GALNT1: variants seen among roughly 807,000 people sequenced by gnomAD.
GALNT1 encodes polypeptide N-acetylgalactosaminyltransferase 1, also known as GalNAc transferase 1.
Under a neutral mutation model 65.7 loss-of-function variants are expected in GALNT1, and 17 were observed. That is an observed-to-expected ratio of 0.26 (90% confidence interval 0.18 to 0.39). The LOEUF is 0.39. GALNT1 is among the 10% of genes least tolerant of loss of function. The pLI is 1.00. For synonymous variants in GALNT1, 210 were observed against 219.7 expected (o/e 0.96, Z 0.39); for missense variants, 460 against 672.8 (o/e 0.68, Z 3.50).
intron 1 of GALNT1, among the ~76,000 whole-genome samples, chr18:35,600,915 C>G (rs988641075): frequency 6.6e-6 from 1 of 151,796 alleles, no homozygotes; most frequent in Admixed American, 6.6e-5. Context: ...TTGTTGTGTC[C>G]TTGTCTGTTT....
intron 1 of GALNT1, among the ~76,000 whole-genome samples, chr18:35,597,968 G>T (rs2046525765): frequency 7.5e-6 from 1 of 134,100 alleles, no homozygotes; most frequent in Non-Finnish European, 1.6e-5. Context: ...CTATACTATT[G>T]AGCAATAGCT....
intron 1 of GALNT1, among the ~76,000 whole-genome samples, chr18:35,603,425 TA>T (rs1184790216): frequency 6.6e-6 from 1 of 152,176 alleles, no homozygotes; most frequent in Non-Finnish European, 1.5e-5. Context: ...TTGCTGGTGA[TA>T]TTCTTGGGAC....
intron 9 of GALNT1, among the ~76,000 whole-genome samples, chr18:35,694,264 T>A (rs772546566): frequency 9.9e-5 from 15 of 152,130 alleles, no homozygotes; most frequent in Non-Finnish European, 1.3e-4. Context: ...GATAAATAGG[T>A]GGTAGCTGGA....
chr18:35,650,720 G>A (rs935021512), intron 1 of GALNT1, among the ~76,000 whole-genome samples: 22 of 152,072 alleles, frequency 1.4e-4, no homozygotes, highest in Admixed American at 8.5e-4. Flanking sequence ...TGTTCCGCCC[G>A]GCCCACAGGC....
intron 1 of GALNT1, among the ~76,000 whole-genome samples, chr18:35,587,056 T>C (rs968124479): frequency 6.6e-6 from 1 of 152,222 alleles, no homozygotes; most frequent in Non-Finnish European, 1.5e-5. Flanking sequence ...TATGTTTTGT[T>C]AGTTTTTATT....
intron 1 of GALNT1, among the ~76,000 whole-genome samples, chr18:35,619,701 T>C (rs1409147718): frequency 6.6e-6 from 1 of 152,198 alleles, no homozygotes; most frequent in African/African-American, 2.4e-5. Context: ...GTAGTAACTG[T>C]CTGCGCTCAG....
intron 1 of GALNT1, among the ~76,000 whole-genome samples, chr18:35,602,256 T>C (rs117120198): frequency 5.9e-5 from 9 of 152,328 alleles, no homozygotes; most frequent in Non-Finnish European, 1.2e-4. Flanking sequence ...CTTTGCATCA[T>C]GTCATTTGCT....
intron 11 of GALNT1, among the ~76,000 whole-genome samples, chr18:35,705,688 T>C (rs941406767): frequency 6.6e-6 from 1 of 152,170 alleles, no homozygotes; most frequent in Non-Finnish European, 1.5e-5. Context: ...ACCTCTTAAG[T>C]TTATTGGAAA....
chr18:35,621,988 T>C (rs1324664218), intron 1 of GALNT1, among the ~76,000 whole-genome samples: 1 of 152,204 alleles, frequency 6.6e-6, no homozygotes, highest in Non-Finnish European at 1.5e-5. Flanking sequence ...TATCTTGATA[T>C]ATGGTAGACA....
chr18:35,595,286 T>C (rs2046491537), intron 1 of GALNT1, among the ~76,000 whole-genome samples: 1 of 152,334 alleles, frequency 6.6e-6, no homozygotes. Flanking sequence ...AGGTGGAGTC[T>C]GCCTGGGACA....
At chr18:35,663,191 G>A (rs764422775) in intron 2 of GALNT1, among the ~76,000 whole-genome samples, 1 of 152,174 alleles carries the variant, frequency 6.6e-6, no homozygotes, top group African/African-American at 2.4e-5. Flanking sequence ...GAGGCACGTT[G>A]GAAGGAAGGC....
In GALNT1 at chr18:35,615,005, C is replaced by T. The variant is rs73946658; in HGVS notation, c.-104+33143C>T. Among the ~76,000 whole-genome samples the T allele has an allele frequency of 2.8e-3, 424 of 151,896 alleles. 2 individuals carry two copies. Among genetic ancestry groups the T allele is most frequent in the African/African-American group, 0.01 (415 of 41,452 alleles). The stretch of plus-strand genomic sequence containing the variant: ...ACCATGTTCATAGAAAGAAGGTTTC[C>T]TATAAACGTATCAATTAATCTGTCT... On this transcript the variant is annotated intron_variant, in intron 1 of 11. Transcript: ENST00000269195.
Position 35,647,383 on chromosome 18 carries a change from C to T in GALNT1, c.-103-7177C>T, listed in dbSNP as rs142415108. On this transcript the variant is annotated intron_variant, in intron 1 of 11. Transcript: ENST00000269195. ...GTGCATTTTGTTCACCCTTGTATTC[C>T]CTGCATTTGACACATTCCCTACATT... Among the ~76,000 whole-genome samples, 1,483 of 152,178 alleles carry T rather than the reference C, an allele frequency of 9.7e-3. 20 individuals carry two copies. Among genetic ancestry groups the T allele is most frequent in the African/African-American group, 0.035 (1,439 of 41,498 alleles).
intron 1 of GALNT1, among the ~76,000 whole-genome samples, chr18:35,620,781 C>CTT (rs75570628): frequency 0.07 from 9,932 of 142,008 alleles, 343 homozygotes; most frequent in African/African-American, 0.094. Flanking sequence ...TAGGTTGTTA[C>CTT]TTTTTTTTTT....
intron 3 of GALNT1, 28 bp downstream of exon 3, chr18:35,663,830 A>G (rs1003930245): frequency 1.3e-6 from 2 of 1,597,608 alleles, no homozygotes; most frequent in Middle Eastern, 2.0e-4. Flanking sequence ...TCCTGATAGT[A>G]TGTGAATGAA....
chr18:35,589,596 C>T (rs540320841), intron 1 of GALNT1, among the ~76,000 whole-genome samples: 1 of 152,276 alleles, frequency 6.6e-6, no homozygotes, highest in African/African-American at 2.4e-5. Flanking sequence ...TCAGGGAACT[C>T]ACCATTTTAT....
intron 1 of GALNT1, among the ~76,000 whole-genome samples, chr18:35,640,299 C>T (rs780106171): frequency 2.0e-5 from 3 of 151,986 alleles, no homozygotes; most frequent in Non-Finnish European, 2.9e-5. Context: ...AATTTAAAAT[C>T]AACAAATAAA....
intron 1 of GALNT1, among the ~76,000 whole-genome samples, chr18:35,649,262 A>T (rs535441957): frequency 9.2e-5 from 14 of 152,202 alleles, no homozygotes; most frequent in Non-Finnish European, 1.5e-4. Flanking sequence ...TAATCAGTTC[A>T]TAGTGGTGTT....
At chr18:35,584,270 G>A (rs1327048921) in intron 1 of GALNT1, among the ~76,000 whole-genome samples, 7 of 152,130 alleles carry the variant, frequency 4.6e-5, no homozygotes, top group African/African-American at 2.4e-5. Flanking sequence ...CATCTGTCAT[G>A]CTTATGTAAC....
Sources: allele counts gnomAD v4.1 joint callset (sites outside exome capture counted in the v4.1 genomes callset), GRCh38; gene constraint gnomAD v4.1.1; transcripts MANE v1.5; gene names NCBI Gene and HGNC (gene_info 2026-07-23, HGNC 2026-07-21).